LEF1: variants seen among roughly 807,000 people sequenced by gnomAD.
LEF1 encodes lymphoid enhancer binding factor 1, also known as lymphoid enhancer-binding factor 1.
Under a neutral mutation model 51.2 loss-of-function variants are expected in LEF1, and 14 were observed. That is an observed-to-expected ratio of 0.27 (90% CI 0.18 to 0.43). The LOEUF is 0.43. Among genes scored for constraint, LEF1 ranks in the 20% least tolerant of loss-of-function variants. LEF1 has a pLI of 1.00. For synonymous variants in LEF1, 185 were observed against 183.2 expected (o/e 1.01, Z -0.08); for missense variants, 386 against 512.0 (o/e 0.75, Z 2.37).
Position 108,166,695 on chromosome 4 carries a change from A to C in LEF1, c.213+860T>G, listed in dbSNP as rs76756633. 6,258 of 995,080 alleles carry C rather than the reference A, an allele frequency of 6.3e-3. 285 individuals carry two copies. In the African/African-American group the frequency reaches 0.1, roughly 16 times the overall value. The allele number at this position is 995,080 out of a possible 1,614,324, so 61.6% of individuals were successfully genotyped here. ...CCGCAGCGGGCCAGAAGACCCGATAAAGCGCCTTCCACCCTGCAGGACTAG... is the reference window on the plus strand; with the variant it reads ...CCGCAGCGGGCCAGAAGACCCGATACAGCGCCTTCCACCCTGCAGGACTAG... On this transcript the variant is annotated intron_variant, in intron 1 of 11. Transcript: ENST00000265165.
intron 3 of LEF1, among the ~76,000 whole-genome samples, chr4:108,162,790 T>C (rs951428807): frequency 2.6e-5 from 4 of 152,108 alleles, no homozygotes; most frequent in Admixed American, 2.6e-4. Context: ...AAGAGAGAAC[T>C]CCATCACCAG....
Position 108,048,550 on chromosome 4 carries a change from G to A in LEF1, c.*208C>T, listed in dbSNP as rs1336523053. The stretch of plus-strand genomic sequence containing the variant: ...TTGGAACTTGGCTCTTGCAGTAGAC[G>A]AAAGAGGGGTTGGCAGTGATTGTCT... On this transcript the variant is annotated 3_prime_UTR_variant, in exon 12 of 12. Coordinates refer to ENST00000265165, the MANE Select transcript of LEF1 (RefSeq NM_016269.5). 29 of 517,174 alleles carry A rather than the reference G, an allele frequency of 5.6e-5. No homozygotes were observed. Among genetic ancestry groups the A allele is most frequent in the Non-Finnish European group, 8.5e-5 (26 of 305,346 alleles). The allele number at this position is 517,174 out of a possible 1,614,324, so 32.0% of individuals were successfully genotyped here.
intron 10 of LEF1, 140 bp downstream of exon 10, chr4:108,064,196 G>C: frequency 1.8e-6 from 1 of 550,772 alleles, no homozygotes; most frequent in East Asian, 3.1e-5. Flanking sequence ...ATTTTTAAAA[G>C]AATTTCAGGA....
At chr4:108,155,753 CAGA>C (rs1298455429) in intron 3 of LEF1, among the ~76,000 whole-genome samples, 2 of 152,292 alleles carry the variant, frequency 1.3e-5, no homozygotes, top group South Asian at 4.1e-4. Context: ...CCAAAGTTTT[CAGA>C]AGAAGATGAT....
At chr4:108,156,647 C>T (rs62310708) in intron 3 of LEF1, among the ~76,000 whole-genome samples, 259 of 152,204 alleles carry the variant, frequency 1.7e-3, no homozygotes, top group African/African-American at 5.3e-3. Flanking sequence ...GATGATAGTC[C>T]CCCAGTTACT....
rs1560803600 is a variant in LEF1 at position 108,119,683 on chromosome 4, A to ATT, written c.415-30427_415-30426insAA. ...TAGCCTTCATTACAAAAAGAAACAC[A>ATT]TATGTACCTGTGCATTTGGTAGCCT... is the stretch of plus-strand genomic sequence containing the variant. On this transcript the variant is annotated intron_variant, in intron 3 of 11. Coordinates refer to ENST00000265165, the MANE Select transcript of LEF1 (RefSeq NM_016269.5). 1.5e-3 allele frequency among the ~76,000 whole-genome samples: 225 copies of ATT among 152,254 alleles called. 1 individual carries two copies. Among genetic ancestry groups the ATT allele is most frequent in the African/African-American group, 5.0e-3 (207 of 41,564 alleles).
chr4:108,130,352 T>A (rs1350900800), intron 3 of LEF1, among the ~76,000 whole-genome samples: 2 of 152,162 alleles, frequency 1.3e-5, no homozygotes, highest in Non-Finnish European at 2.9e-5. Context: ...GAATGCTCTC[T>A]TATGTTACTT....
chr4:108,128,902 T>C (rs1384028252), intron 3 of LEF1, among the ~76,000 whole-genome samples: 2 of 152,168 alleles, frequency 1.3e-5, no homozygotes, highest in Non-Finnish European at 1.5e-5. Flanking sequence ...CATAAAAATG[T>C]CCATCATAAG....
chr4:108,116,932 A>G (rs1281878550), intron 3 of LEF1, among the ~76,000 whole-genome samples: 1 of 152,234 alleles, frequency 6.6e-6, no homozygotes, highest in East Asian at 1.9e-4. Context: ...GAGACTGGTC[A>G]CATTCTATAG....
At chr4:108,067,310 G>A (rs989022284) in intron 9 of LEF1, among the ~76,000 whole-genome samples, 5 of 152,194 alleles carry the variant, frequency 3.3e-5, no homozygotes, top group African/African-American at 1.2e-4. Context: ...AGAGAGAGCA[G>A]ATAGAGAAAG....
At chr4:108,124,965 C>T (rs886219593) in intron 3 of LEF1, among the ~76,000 whole-genome samples, 2 of 152,048 alleles carry the variant, frequency 1.3e-5, no homozygotes, top group East Asian at 3.9e-4. Context: ...CTGGTTATAT[C>T]TGAAATGACC....
At chr4:108,081,306 C>T (rs773854363) in intron 6 of LEF1, among the ~76,000 whole-genome samples, 3 of 152,138 alleles carry the variant, frequency 2.0e-5, no homozygotes, top group East Asian at 1.9e-4. Flanking sequence ...CAGTTCCCAT[C>T]CCACAGTCAG....
intron 3 of LEF1, among the ~76,000 whole-genome samples, chr4:108,109,787 GT>G (rs767482898): frequency 6.6e-6 from 1 of 152,064 alleles, no homozygotes. Flanking sequence ...CATAGAGATG[GT>G]TTTTTTAATC....
In LEF1 at chr4:108,047,792, TACA is replaced by T. The variant is rs1736714369; in HGVS notation, c.*963_*965del. The T allele has an allele frequency of 6.6e-6, 1 of 152,634 alleles. No individual in the cohort carries two copies. The highest frequency in any genetic ancestry group is 1.5e-5 in the Non-Finnish European group (1 of 68,042). 9.5% of individuals were successfully genotyped at this position (152,634 alleles called of 1,614,324 possible). On this transcript the variant is annotated 3_prime_UTR_variant, in exon 12 of 12. Transcript: ENST00000265165. Reference sequence around the variant, plus strand: ...ATAACAATTCAAGTGCTGGGCTTTTTACAACAAGGGGGTGATAAGGAAAGAAAT... The same window carrying T: ...ATAACAATTCAAGTGCTGGGCTTTTTACAAGGGGGTGATAAGGAAAGAAAT...
At chr4:108,116,778 C>T (rs1164176346) in intron 3 of LEF1, among the ~76,000 whole-genome samples, 1 of 152,228 alleles carries the variant, frequency 6.6e-6, no homozygotes, top group Non-Finnish European at 1.5e-5. Context: ...TGTGTTTTCA[C>T]ATCCCTGTCT....
chr4:108,103,321 T>C (rs113181316), intron 3 of LEF1, among the ~76,000 whole-genome samples: 1 of 152,238 alleles, frequency 6.6e-6, no homozygotes, highest in African/African-American at 2.4e-5. Context: ...AGCCTTGTGA[T>C]TCCCAGGACA....
Position 108,079,494 on chromosome 4 carries a change from G to A in LEF1, c.843C>T (p.His281=), listed in dbSNP as rs574172621. The A allele has an allele frequency of 3.1e-4, 505 of 1,614,076 alleles. 9 individuals are homozygous for A. In the South Asian group the frequency reaches 5.3e-3, roughly 17 times the overall value. The change falls in exon 7 of 12, where the codon CAC becomes CAT. Residue 281 remains histidine (H), a splice_region_variant and synonymous_variant. Coordinates refer to ENST00000265165, the MANE Select transcript of LEF1 (RefSeq NM_016269.5). ...EHPHTDSDLM[H]VKPQHEQRKE... is the part of the protein sequence containing the mutation. ...GCAGAGCCCGGGTGGATACTTACAC[G>A]TGCATTAGGTCACTGTCAGTGTGGG...
At position 108,057,871 on chromosome 4, in the gene LEF1, T is replaced by C. The variant is rs183250708; in HGVS notation, c.*6+5752A>G. 2.7e-3 allele frequency among the ~76,000 whole-genome samples: 409 copies of C among 149,982 alleles called. 2 individuals are homozygous for C. Among genetic ancestry groups the C allele is most frequent in the Non-Finnish European group, 5.2e-3 (354 of 67,622 alleles). On this transcript the variant is annotated intron_variant, in intron 11 of 11. Transcript: ENST00000265165. ...GTGTTTAAGCAGATGATTTTTTTTA[T>C]CTTTTTTTTTTTTTTTCCCCGAGAC... is the stretch of plus-strand genomic sequence containing the variant.
chr4:108,053,106 C>A (rs1236525213), intron 11 of LEF1, among the ~76,000 whole-genome samples: 1 of 152,170 alleles, frequency 6.6e-6, no homozygotes, highest in Non-Finnish European at 1.5e-5. Context: ...TGTCCATCCC[C>A]AGGCAACAAC....
Sources: gnomAD v4.1 joint callset for allele counts (sites outside exome capture counted in the v4.1 genomes callset) on GRCh38, gnomAD v4.1.1 for gene constraint, MANE v1.5 for transcripts, NCBI Gene and HGNC (gene_info 2026-07-23, HGNC 2026-07-21) for gene names.